The following CLDN7 variants were observed in gnomAD, a reference collection of about 807,000 sequenced individuals.
CLDN7 encodes claudin 7, also known as claudin-7.
Under a neutral mutation model 20.3 loss-of-function variants are expected in CLDN7, and 15 were observed. The observed-to-expected ratio is 0.74, with a 90% CI of 0.49 to 1.14. CLDN7 has a LOEUF of 1.14. CLDN7 is among the 50% of genes most tolerant of loss of function. CLDN7 has a pLI of 0.00. For synonymous variants in CLDN7, 117 were observed against 106.1 expected (o/e 1.10, Z -0.63); for missense variants, 261 against 274.2 (o/e 0.95, Z 0.34).
At position 7,260,235 on chromosome 17, in the gene CLDN7, A is replaced by T; in HGVS notation, c.*139T>A. ...ACCCCCCCACCCCCAACCCAAGAGG[A>T]CTATACATGGAGTGCAGGGACAGAG... On this transcript the variant is annotated 3_prime_UTR_variant, in exon 4 of 4. Transcript: ENST00000360325. The T allele has an allele frequency of 4.4e-6, 2 of 455,020 alleles. No individual in the cohort carries two copies. Among genetic ancestry groups the T allele is most frequent in the Non-Finnish European group, 7.6e-6 (2 of 261,556 alleles). 28.2% of individuals were successfully genotyped at this position (455,020 alleles called of 1,614,324 possible).
rs2072199068 is a variant in CLDN7 at position 7,260,838 on chromosome 17, A to T, written c.371T>A (p.Ile124Lys). ...KKARIAMGGG[I>K]IFIVAGLAAL... ...GGGCTCACCTGCCACGATGAAAATT[A>T]TGCCTCCACCCATGGCTATACGGGC... Residue 124 changes from isoleucine (I) to lysine (K), a missense_variant, in exon 2 of 4, where the codon ATA (isoleucine) becomes AAA (lysine). By Grantham distance (102) the Ile-to-Lys change is moderately radical (BLOSUM62 -3). Coordinates refer to ENST00000360325, the MANE Select transcript of CLDN7 (RefSeq NM_001307.6). The T allele has an allele frequency of 6.2e-7, 1 of 1,614,090 alleles. No individual in the cohort carries two copies. Among genetic ancestry groups the T allele is most frequent in the African/African-American group, 1.3e-5 (1 of 74,944 alleles).
In CLDN7 at chr17:7,260,991, G is replaced by A. The variant is rs769316794; in HGVS notation, c.224-6C>T. Reference sequence around the variant, plus strand: ...TCGAGTGGCCTGCAAGGCCGCTGCGGGCGAGGGGAAAGGGCGCCGTCATTG... The same window carrying A: ...TCGAGTGGCCTGCAAGGCCGCTGCGAGCGAGGGGAAAGGGCGCCGTCATTG... On this transcript the variant is annotated splice_region_variant and splice_polypyrimidine_tract_variant and intron_variant, in intron 1 of 3. Transcript: ENST00000360325. 10 of 1,605,884 alleles carry A rather than the reference G, an allele frequency of 6.2e-6. No homozygotes were observed. In the East Asian group the frequency reaches 1.3e-4, roughly 21 times the overall value.
At chr17:7,260,751 T>C (rs1178890987) in intron 2 of CLDN7, 25 bp from the exon 3 acceptor site, 2 of 1,613,982 alleles carry the variant, frequency 1.2e-6, no homozygotes, top group East Asian at 4.5e-5. Context: ...AGGGTTTCAG[T>C]ATAGTGAGGC....
In CLDN7 at chr17:7,260,238, A is replaced by G. The variant is rs991653031; in HGVS notation, c.*136T>C. ...CCCCCACCCCCAACCCAAGAGGACT[A>G]TACATGGAGTGCAGGGACAGAGTGA... On this transcript the variant is annotated 3_prime_UTR_variant, in exon 4 of 4. Coordinates refer to ENST00000360325, the MANE Select transcript of CLDN7 (RefSeq NM_001307.6). 1.0e-5 allele frequency: 8 copies of G among 770,696 alleles called. No individual in the cohort carries two copies. Among genetic ancestry groups the G allele is most frequent in the Non-Finnish European group, 1.6e-5 (8 of 505,024 alleles). 47.7% of individuals were successfully genotyped at this position (770,696 alleles called of 1,614,324 possible).
At chr17:7,261,460 C>G (rs1375585758) in intron 1 of CLDN7, among the ~76,000 whole-genome samples, 1 of 152,142 alleles carries the variant, frequency 6.6e-6, no homozygotes, top group Non-Finnish European at 1.5e-5. Flanking sequence ...TCGGCGCGCC[C>G]CGTGCCCCGC....
chr17:7,261,224 C>T, intron 1 of CLDN7: 1 of 581,472 alleles, frequency 1.7e-6, no homozygotes, highest in South Asian at 2.0e-5. Context: ...GCCCGGGGCG[C>T]CGGGGTTTCG....
In CLDN7 at chr17:7,262,226, C is replaced by G; in HGVS notation, c.-183G>C. 2 of 1,432,216 alleles carry G rather than the reference C, an allele frequency of 1.4e-6. No homozygotes were observed. The highest frequency in any genetic ancestry group is 1.8e-6 in the Non-Finnish European group (2 of 1,098,604). 88.7% of individuals were successfully genotyped at this position (1,432,216 alleles called of 1,614,324 possible). ...TCACCAAACTACACACAAATCGACC[C>G]CTCCAGTGAAGCGATGGCCTCGCGG... On this transcript the variant is annotated 5_prime_UTR_variant, in exon 1 of 4. Transcript: ENST00000360325. The surrounding 1 kb of genome is among the most constrained non-coding windows in gnomAD (Gnocchi z 6.6).
rs756152576 is a variant in CLDN7, at chr17:7,260,846, A to C, written c.363T>G (p.Gly121=). Residue 121 remains glycine, a synonymous_variant, in exon 2 of 4, where the codon GGT becomes GGG. Coordinates refer to ENST00000360325, the MANE Select transcript of CLDN7 (RefSeq NM_001307.6). ...CTGCCACGATGAAAATTATGCCTCC[A>C]CCCATGGCTATACGGGCCTTCTTCA... ...DKVKKARIAM[G]GGIIFIVAGL... 6.2e-7 allele frequency: 1 copy of C among 1,614,072 alleles called. No homozygotes were observed. The highest frequency in any genetic ancestry group is 1.7e-5 in the Admixed American group (1 of 60,010).
intron 1 of CLDN7, chr17:7,261,191 C>CCGG (rs1179442637): frequency 3.1e-6 from 2 of 647,324 alleles, no homozygotes; most frequent in East Asian, 5.7e-5. Flanking sequence ...TGCTCCCGCC[C>CCGG]CGCCCTCTCC....
chr17:7,262,152 G>A lies in CLDN7; in HGVS notation c.-109C>T. The A allele has an allele frequency of 4.1e-6, 6 of 1,475,034 alleles. No homozygotes were observed. The highest frequency in any genetic ancestry group is 5.0e-5 in the Admixed American group (2 of 40,018). 91.4% of individuals were successfully genotyped at this position (1,475,034 alleles called of 1,614,324 possible). On this transcript the variant is annotated 5_prime_UTR_variant, in exon 1 of 4. Coordinates refer to ENST00000360325, the MANE Select transcript of CLDN7 (RefSeq NM_001307.6). The surrounding 1 kb of genome is among the most constrained non-coding windows in gnomAD (Gnocchi z 6.6). ...AGAAAACTTGAGGTGGAGTTTTCCG[G>A]TCACCCAAAGAGACAAAAAGGGTTT...
At chr17:7,261,164 C>T in intron 1 of CLDN7, 179 bp from the exon 2 acceptor site, 2 of 808,708 alleles carry the variant, frequency 2.5e-6, no homozygotes, top group Non-Finnish European at 3.8e-6. Context: ...CCGCCCCTCC[C>T]GACAGCGCGG....
chr17:7,260,106 G>C lies in CLDN7; in HGVS notation c.*268C>G, dbSNP rs546663071. 2.8e-6 allele frequency: 1 copy of C among 361,608 alleles called. No homozygotes were observed. Among genetic ancestry groups the C allele is most frequent in the Non-Finnish European group, 5.0e-6 (1 of 200,098 alleles). The allele number at this position is 361,608 out of a possible 1,614,324, so 22.4% of individuals were successfully genotyped here. A position where few individuals can be genotyped will look rare whatever the true frequency, so the allele number is the denominator to read the frequency against. The stretch of plus-strand genomic sequence containing the variant: ...CTCCCTGCAAGGATCTGGACGGGAG[G>C]AAAGCAGAGGCCCTGAAGGGAAAAA... On this transcript the variant is annotated 3_prime_UTR_variant, in exon 4 of 4. Coordinates refer to ENST00000360325, the MANE Select transcript of CLDN7 (RefSeq NM_001307.6).
rs2072179194 is a variant in CLDN7 at position 7,260,036 on chromosome 17, G to T, written c.*338C>A. The T allele has an allele frequency of 3.0e-6, 1 of 335,208 alleles. No homozygotes were observed. The allele number at this position is 335,208 out of a possible 1,614,324, so 20.8% of individuals were successfully genotyped here. ...AGTCAATTGTCAGTGGAGTCAGTGGGGTGCTAAGTGTTCTGAACTGAAGTA... is the reference window on the plus strand; with the variant it reads ...AGTCAATTGTCAGTGGAGTCAGTGGTGTGCTAAGTGTTCTGAACTGAAGTA... On this transcript the variant is annotated 3_prime_UTR_variant, in exon 4 of 4. Transcript: ENST00000360325.
rs779497605 is a variant in CLDN7, at chr17:7,259,986, C to T, written c.*388G>A. On this transcript the variant is annotated 3_prime_UTR_variant, in exon 4 of 4. Transcript: ENST00000360325. ...ATAAGAGGGGGGTGGGAATGAATGTCGAGATACGAGCACCTGCATCTTTTA... is the reference window on the plus strand; with the variant it reads ...ATAAGAGGGGGGTGGGAATGAATGTTGAGATACGAGCACCTGCATCTTTTA... The T allele has an allele frequency of 5.8e-5, 20 of 345,694 alleles. No homozygotes were observed. Among genetic ancestry groups the T allele is most frequent in the Middle Eastern group, 8.4e-4 (1 of 1,192 alleles). The allele number at this position is 345,694 out of a possible 1,614,324, so 21.4% of individuals were successfully genotyped here. A position where few individuals can be genotyped will look rare whatever the true frequency, so the allele number is the denominator to read the frequency against.
Position 7,260,844 on chromosome 17 carries a change from C to T in CLDN7, c.365G>A (p.Gly122Glu). Residue 122 changes from glycine (G) to glutamate (E), a missense_variant, in exon 2 of 4, where the codon GGA becomes GAA. Gly to Glu is a moderately conservative substitution (Grantham distance 98). This residue lies in a region of CLDN7 where 215 missense variants were observed against 199.6 expected (regional missense o/e 1.08). Transcript: ENST00000360325. ...ACCTGCCACGATGAAAATTATGCCT[C>T]CACCCATGGCTATACGGGCCTTCTT... ...KVKKARIAMGGGIIFIVAGLA... is the reference protein window; with the variant it reads ...KVKKARIAMGEGIIFIVAGLA... 1.2e-6 allele frequency: 2 copies of T among 1,614,248 alleles called. No individual in the cohort carries two copies. Among genetic ancestry groups the T allele is most frequent in the Non-Finnish European group, 8.5e-7 (1 of 1,180,042 alleles).
At chr17:7,262,944 C>T (rs2143002606), upstream of CLDN7, 1 of 152,894 alleles carries the variant, frequency 6.5e-6, no homozygotes. This position sits in a 1 kb window ranked among gnomAD's most constrained non-coding sequence, Gnocchi z 6.6. Flanking sequence ...CCTTTTTTTT[C>T]CTGTCTCCTA....
At chr17:7,262,527 C>CCCCG, upstream of CLDN7, 1 of 506,128 alleles carries the variant, frequency 2.0e-6, no homozygotes, top group South Asian at 8.3e-5. This position sits in a 1 kb window ranked among gnomAD's most constrained non-coding sequence, Gnocchi z 6.6. Context: ...GGGGCGCGGC[C>CCCCG]CGCGCGCCCC....
chr17:7,261,696 A>G, intron 1 of CLDN7, 125 bp downstream of exon 1: 1 of 329,300 alleles, frequency 3.0e-6, no homozygotes, highest in Non-Finnish European at 5.0e-6. Flanking sequence ...CCAGCCGACC[A>G]CTTCCTCGCC....
In CLDN7 at chr17:7,260,192, GTC is replaced by G. The variant is rs929144374; in HGVS notation, c.*180_*181del. 17 of 553,810 alleles carry G rather than the reference GTC, an allele frequency of 3.1e-5. No homozygotes were observed. The highest frequency in any genetic ancestry group is 1.4e-4 in the Admixed American group (4 of 28,404). The allele number at this position is 553,810 out of a possible 1,614,324, so 34.3% of individuals were successfully genotyped here. ...CAAAAAGCACACTCTCCCTCTTTTT[GTC>G]TCTCCCACCAACGGCACCCCCCCAC... On this transcript the variant is annotated 3_prime_UTR_variant, in exon 4 of 4. Transcript: ENST00000360325.
Sources: allele counts gnomAD v4.1 joint callset (sites outside exome capture counted in the v4.1 genomes callset), GRCh38; gene constraint gnomAD v4.1.1; regional missense constraint gnomAD v4.1.1; non-coding constraint Gnocchi (gnomAD v3.1); transcripts MANE v1.5; gene names NCBI Gene and HGNC (gene_info 2026-07-23, HGNC 2026-07-21).